Variants in SCN11A observed in about 807,000 individuals in gnomAD.
SCN11A encodes the protein sodium channel protein type 11 subunit alpha.
Under a neutral mutation model 162.2 loss-of-function variants are expected in SCN11A, and 122 were observed. That is an observed-to-expected ratio of 0.75 (90% CI 0.65 to 0.87). The LOEUF (loss-of-function observed/expected upper bound fraction) is 0.87. SCN11A is among the 40% of genes least tolerant of loss of function. SCN11A has a pLI of 0.00. For synonymous variants in SCN11A, 758 were observed against 751.5 expected (o/e 1.01, Z -0.14); for missense variants, 2,015 against 2,181.6 (o/e 0.92, Z 1.52).
rs1341327294 is a variant in SCN11A at position 38,880,012 on chromosome 3, C to T, written c.3331G>A (p.Ala1111Thr). 2 of 1,612,770 alleles carry T rather than the reference C, an allele frequency of 1.2e-6. No homozygotes were observed. Among genetic ancestry groups the T allele is most frequent in the Non-Finnish European group, 1.7e-6 (2 of 1,179,090 alleles). The change falls in exon 23 of 30, where the codon GCC becomes ACC. Residue 1111 changes from alanine to threonine, a missense_variant. Coordinates refer to ENST00000302328, the MANE Select transcript of SCN11A (RefSeq NM_001349253.2). ...GTGAAATACTTTCCAAATCCGAAGG[C>T]TACCCATTTTAGTACCATCTCCAGG... ...FILEMVLKWV[A>T]FGFGKYFTSA...
chr3:38,961,395 G>A (rs1292446373), intron 2 of SCN11A, among the ~76,000 whole-genome samples: 2 of 152,148 alleles, frequency 1.3e-5, no homozygotes, highest in South Asian at 2.1e-4. Flanking sequence ...AAAATGCCTG[G>A]TTGCTTTTCT....
chr3:38,923,883 T>G (rs1433336824), intron 9 of SCN11A, among the ~76,000 whole-genome samples: 1 of 152,094 alleles, frequency 6.6e-6, no homozygotes, highest in African/African-American at 2.4e-5. Flanking sequence ...GAGGATTGGA[T>G]AGGAAGAACC....
chr3:38,871,813 C>T, intron 24 of SCN11A, 105 bp from the exon 25 acceptor site: 1 of 948,946 alleles, frequency 1.1e-6, no homozygotes. Context: ...TCTCTTGGAG[C>T]TCTGTCCTTA....
intron 1 of SCN11A, among the ~76,000 whole-genome samples, chr3:39,035,636 C>A (rs1575368115): frequency 6.6e-6 from 1 of 151,832 alleles, no homozygotes; most frequent in Non-Finnish European, 1.5e-5. Context: ...TGGTACTGAT[C>A]AACATGGAAG....
chr3:39,014,848 G>A (rs928640863), intron 2 of SCN11A, among the ~76,000 whole-genome samples: 1 of 152,184 alleles, frequency 6.6e-6, no homozygotes, highest in Non-Finnish European at 1.5e-5. Flanking sequence ...CTGTGTAATT[G>A]ATCTACCATC....
intron 28 of SCN11A, among the ~76,000 whole-genome samples, chr3:38,858,921 T>C (rs748746995): frequency 6.6e-6 from 1 of 152,096 alleles, no homozygotes; most frequent in Non-Finnish European, 1.5e-5. Context: ...TCTTGAATGA[T>C]CTTTGGGTTA....
chr3:38,980,033 C>T (rs2029958426), intron 2 of SCN11A, among the ~76,000 whole-genome samples: 1 of 152,190 alleles, frequency 6.6e-6, no homozygotes, highest in African/African-American at 2.4e-5. Context: ...TGGCCCACAT[C>T]ACACCCACAC....
chr3:38,998,451 A>C (rs9311201), intron 2 of SCN11A, among the ~76,000 whole-genome samples: 23,051 of 152,112 alleles, frequency 0.15, 3,473 homozygotes, highest in African/African-American at 0.39. Context: ...AGCTCTTATA[A>C]GGTAGAATTA....
intron 28 of SCN11A, among the ~76,000 whole-genome samples, chr3:38,852,233 C>T (rs1025746403): frequency 1.4e-4 from 22 of 152,110 alleles, no homozygotes; most frequent in Admixed American, 3.9e-4. Context: ...TTGTGACTTT[C>T]GAACCATGTG....
chr3:38,849,090 C>A (rs1325287679), intron 29 of SCN11A, among the ~76,000 whole-genome samples: 2 of 152,086 alleles, frequency 1.3e-5, no homozygotes, highest in African/African-American at 4.8e-5. Context: ...AATTGCCAAG[C>A]AGTTGTTCAA....
At chr3:39,051,104 A>G (rs1368282585) in intron 1 of SCN11A, among the ~76,000 whole-genome samples, 1 of 151,476 alleles carries the variant, frequency 6.6e-6, no homozygotes, top group Non-Finnish European at 1.5e-5. Context: ...GCCTTCCTAT[A>G]ACATCTTTTT....
At chr3:39,046,567 G>C (rs982163636) in intron 1 of SCN11A, among the ~76,000 whole-genome samples, 3 of 151,928 alleles carry the variant, frequency 2.0e-5, no homozygotes. Flanking sequence ...AAGCAATCCT[G>C]AGCAAAAAGA....
chr3:39,049,078 T>C (rs973279256), intron 1 of SCN11A, among the ~76,000 whole-genome samples: 1 of 152,260 alleles, frequency 6.6e-6, no homozygotes, highest in African/African-American at 2.4e-5. Context: ...AGGGTTGTAA[T>C]TGTTTTAAAC....
intron 1 of SCN11A, among the ~76,000 whole-genome samples, chr3:39,036,625 AG>A (rs1192581625): frequency 6.6e-6 from 1 of 151,994 alleles, no homozygotes; most frequent in Non-Finnish European, 1.5e-5. Context: ...GTTAATAACC[AG>A]AATATATAAG....
chr3:38,962,479 T>G (rs2066747848), intron 2 of SCN11A, among the ~76,000 whole-genome samples: 1 of 152,202 alleles, frequency 6.6e-6, no homozygotes, highest in Admixed American at 6.5e-5. Flanking sequence ...TTTCACAATA[T>G]TGATTCTACC....
chr3:38,900,488 C>T (rs1039691266), intron 16 of SCN11A, among the ~76,000 whole-genome samples: 2 of 152,030 alleles, frequency 1.3e-5, no homozygotes, highest in Non-Finnish European at 2.9e-5. Flanking sequence ...GCCCTGAAAA[C>T]TAAGGATAAT....
At chr3:38,870,315 CCACAA>C in intron 26 of SCN11A, among the ~76,000 whole-genome samples, 1 of 152,246 alleles carries the variant, frequency 6.6e-6, no homozygotes, top group East Asian at 1.9e-4. Context: ...TTAAGGTTTC[CCACAA>C]TCTAAAACAG....
intron 1 of SCN11A, among the ~76,000 whole-genome samples, chr3:39,034,708 A>C (rs754762359): frequency 7.2e-5 from 11 of 152,228 alleles, no homozygotes; most frequent in Non-Finnish European, 1.3e-4. Context: ...ATTGGGAAAA[A>C]CTTAAAGACT....
chr3:39,022,364 G>A (rs985429992), intron 2 of SCN11A, among the ~76,000 whole-genome samples: 3 of 152,210 alleles, frequency 2.0e-5, no homozygotes, highest in Non-Finnish European at 4.4e-5. Flanking sequence ...CCCTTGAAGT[G>A]TCTGTTTCTG....
Sources: allele counts gnomAD v4.1 joint callset (sites outside exome capture counted in the v4.1 genomes callset), GRCh38; gene constraint gnomAD v4.1.1; transcripts MANE v1.5; gene names NCBI Gene and HGNC (gene_info 2026-07-23, HGNC 2026-07-21).